Variants in CLEC2D observed in about 807,000 individuals in gnomAD.
CLEC2D encodes the protein C-type lectin domain family 2 member D, also known as C-type lectin related f.
In CLEC2D, 16 loss-of-function variants were observed where a neutral mutation model predicts 20.0. That is an observed-to-expected ratio of 0.80 (90% CI 0.54 to 1.22). The LOEUF (loss-of-function observed/expected upper bound fraction) is 1.22. CLEC2D is among the 50% of genes most tolerant of loss of function. CLEC2D has a pLI of 0.00. For synonymous variants in CLEC2D, 77 were observed against 71.1 expected (o/e 1.08, Z -0.42); for missense variants, 207 against 221.5 (o/e 0.93, Z 0.42).
chr12:9,679,067 T>C (rs981630593), intron 1 of CLEC2D, among the ~76,000 whole-genome samples: 1 of 152,200 alleles, frequency 6.6e-6, no homozygotes, highest in African/African-American at 2.4e-5. Flanking sequence ...AATTCTCTGC[T>C]TTTATCCCAT....
At chr12:9,686,978 A>G (rs1865761876) in intron 2 of CLEC2D, among the ~76,000 whole-genome samples, 1 of 152,158 alleles carries the variant, frequency 6.6e-6, no homozygotes, top group African/African-American at 2.4e-5. Flanking sequence ...CCTGCCCTTC[A>G]TTTTACCAAG....
Position 9,696,424 on chromosome 12 carries a change from C to T in CLEC2D, c.*1550C>T, listed in dbSNP as rs1165462501. ...TAGTTTTTAAAGATGGAACTCCACC[C>T]TTTGCTTGGTTTTAAGTATGTATGG... On this transcript the variant is annotated 3_prime_UTR_variant, in exon 5 of 5. Coordinates refer to ENST00000290855, the MANE Select transcript of CLEC2D (RefSeq NM_013269.6). The T allele has an allele frequency of 2.2e-6, 1 of 461,938 alleles. No homozygotes were observed. The highest frequency in any genetic ancestry group is 4.0e-6 in the Non-Finnish European group (1 of 251,246). 28.6% of individuals were successfully genotyped at this position (461,938 alleles called of 1,614,324 possible).
Position 9,695,857 on chromosome 12 carries a change from G to T in CLEC2D, c.*983G>T. 1.1e-6 allele frequency: 1 copy of T among 894,562 alleles called. No homozygotes were observed. Among genetic ancestry groups the T allele is most frequent in the Non-Finnish European group, 1.8e-6 (1 of 570,372 alleles). The allele number at this position is 894,562 out of a possible 1,614,324, so 55.4% of individuals were successfully genotyped here. A position where few individuals can be genotyped will look rare whatever the true frequency, so the allele number is the denominator to read the frequency against. On this transcript the variant is annotated 3_prime_UTR_variant, in exon 5 of 5. Transcript: ENST00000290855. ...AAAAGTAAAACTTGCTGCTGCTGCT[G>T]ATGATGATGATGATGAAGATGATGA...
intron 1 of CLEC2D, among the ~76,000 whole-genome samples, chr12:9,679,789 A>T (rs1386866233): frequency 6.6e-6 from 1 of 152,214 alleles, no homozygotes; most frequent in African/African-American, 2.4e-5. Context: ...AAATATGCCT[A>T]TTTAGCTAAG....
chr12:9,688,276 T>A, intron 3 of CLEC2D, 190 bp downstream of exon 3: 11 of 1,118,966 alleles, frequency 9.8e-6, no homozygotes, highest in Non-Finnish European at 1.2e-5. Flanking sequence ...AAAATTACCT[T>A]AATATTCGTG....
chr12:9,669,860 G>T, intron 1 of CLEC2D, 65 bp downstream of exon 1: 1 of 1,280,394 alleles, frequency 7.8e-7, no homozygotes, highest in Non-Finnish European at 1.1e-6. Context: ...GTAGTGATGG[G>T]CTCACACAGG....
chr12:9,676,441 AT>A (rs558285415), intron 1 of CLEC2D, among the ~76,000 whole-genome samples: 336 of 151,954 alleles, frequency 2.2e-3, no homozygotes, highest in Non-Finnish European at 2.7e-3. Context: ...TAATCAAGTG[AT>A]TTTTTTTAGC....
chr12:9,691,492 T>C (rs780911664), intron 3 of CLEC2D, among the ~76,000 whole-genome samples: 20 of 134,506 alleles, frequency 1.5e-4, no homozygotes, highest in African/African-American at 4.8e-4. Flanking sequence ...GGAACATTCT[T>C]AAACCATATG....
chr12:9,681,084 A>G (rs1386658478), intron 2 of CLEC2D, 51 bp downstream of exon 2: 4 of 947,598 alleles, frequency 4.2e-6, no homozygotes, highest in Non-Finnish European at 6.6e-6. Context: ...ACTTGTAAAA[A>G]GAAGAGGAAG....
At chr12:9,677,756 G>A (rs962137298) in intron 1 of CLEC2D, among the ~76,000 whole-genome samples, 4 of 134,634 alleles carry the variant, frequency 3.0e-5, no homozygotes, top group Admixed American at 8.5e-5. Flanking sequence ...ACAGAGTCTC[G>A]CTCTGTCACC....
Position 9,694,806 on chromosome 12 carries a change from G to T in CLEC2D, c.508G>T (p.Gly170Cys). 1 of 1,613,146 alleles carries T rather than the reference G, an allele frequency of 6.2e-7. No homozygotes were observed. The highest frequency in any genetic ancestry group is 8.5e-7 in the Non-Finnish European group (1 of 1,179,276). The change falls in exon 5 of 5, where the codon GGT becomes TGT. Residue 170 changes from glycine (G) to cysteine (C), a missense_variant. Physicochemically the swap from Gly to Cys is radical, Grantham distance 159. Transcript: ENST00000290855. The stretch of plus-strand genomic sequence containing the variant: ...AGAGTGTGCCTATTTGAATGACAAA[G>T]GTGCCAGTAGTGCCAGGCACTACAC... ...AGECAYLNDK[G>C]ASSARHYTER...
At position 9,687,966 on chromosome 12, in the gene CLEC2D, G is replaced by A; in HGVS notation, c.237G>A (p.Trp79Ter). 1 of 1,612,438 alleles carries A rather than the reference G, an allele frequency of 6.2e-7. No individual in the cohort carries two copies. The part of the protein sequence containing the change: ...VCLQAACPES[W>*]IGFQRKCFYF... ...TTCAAGCTGCATGCCCAGAAAGCTGGATTGGTTTTCAAAGAAAGTGTTTCT... is the reference window on the plus strand; with the variant it reads ...TTCAAGCTGCATGCCCAGAAAGCTGAATTGGTTTTCAAAGAAAGTGTTTCT... The change falls in exon 3 of 5, where the codon TGG becomes TGA. Residue 79 changes from tryptophan (W) to a stop codon, truncating the protein, a stop_gained. Transcript: ENST00000290855. LOFTEE classifies it high-confidence loss of function.
At position 9,696,446 on chromosome 12, in the gene CLEC2D, A is replaced by G. The variant is rs1865995957; in HGVS notation, c.*1572A>G. On this transcript the variant is annotated 3_prime_UTR_variant, in exon 5 of 5. Transcript: ENST00000290855. Reference sequence around the variant, plus strand: ...ACCCTTTGCTTGGTTTTAAGTATGTATGGGATGCTATGATAGGACATAGTA... The same window carrying G: ...ACCCTTTGCTTGGTTTTAAGTATGTGTGGGATGCTATGATAGGACATAGTA... The G allele has an allele frequency of 9.2e-6, 4 of 435,652 alleles. No individual in the cohort carries two copies. The highest frequency in any genetic ancestry group is 6.7e-5 in the South Asian group (3 of 44,596). 27.0% of individuals were successfully genotyped at this position (435,652 alleles called of 1,614,324 possible).
Position 9,695,402 on chromosome 12 carries a change from A to G in CLEC2D, c.*528A>G, listed in dbSNP as rs766704894. 7.6e-5 allele frequency: 112 copies of G among 1,478,782 alleles called. 1 individual carries two copies. The South Asian group carries it at 1.2e-3, about 16-fold the overall frequency. The allele number at this position is 1,478,782 out of a possible 1,614,324, so 91.6% of individuals were successfully genotyped here. A position where few individuals can be genotyped will look rare whatever the true frequency, so the allele number is the denominator to read the frequency against. ...CCACCCGATGGAAGATTCGATGGAC[A>G]TGGACATGAGCCCCCTGAGGCCCCA... On this transcript the variant is annotated 3_prime_UTR_variant, in exon 5 of 5. Coordinates refer to ENST00000290855, the MANE Select transcript of CLEC2D (RefSeq NM_013269.6).
intron 3 of CLEC2D, among the ~76,000 whole-genome samples, chr12:9,692,553 CGATAGTAT>C (rs1352275531): frequency 2.6e-5 from 4 of 151,794 alleles, no homozygotes; most frequent in African/African-American, 9.7e-5. Context: ...TGGTGTCAAC[CGATAGTAT>C]AATAGATAAA....
intron 1 of CLEC2D, among the ~76,000 whole-genome samples, chr12:9,678,222 T>A (rs952640500): frequency 1.3e-5 from 2 of 152,210 alleles, no homozygotes; most frequent in African/African-American, 4.8e-5. Context: ...TATGCAATGC[T>A]TTTCTTCATT....
chr12:9,696,643 A>G lies in CLEC2D; in HGVS notation c.*1769A>G, dbSNP rs1314242659. On this transcript the variant is annotated 3_prime_UTR_variant, in exon 5 of 5. Transcript: ENST00000290855. Reference sequence around the variant, plus strand: ...TGCATGTGGAGATTATTACAATTCAAGGTGAAATTTGGGTGGAGACACAAC... The same window carrying G: ...TGCATGTGGAGATTATTACAATTCAGGGTGAAATTTGGGTGGAGACACAAC... 1.7e-5 allele frequency: 3 copies of G among 175,754 alleles called. No individual in the cohort carries two copies. The highest frequency in any genetic ancestry group is 3.6e-5 in the Non-Finnish European group (3 of 82,592). The allele number at this position is 175,754 out of a possible 1,614,324, so 10.9% of individuals were successfully genotyped here.
chr12:9,693,806 G>A (rs1019278999), intron 4 of CLEC2D: 4 of 448,170 alleles, frequency 8.9e-6, no homozygotes, highest in South Asian at 4.7e-5. Context: ...ATGGTTTTTT[G>A]TTTGTTTGTA....
At position 9,698,538 on chromosome 12, in the gene CLEC2D, T is replaced by TA. The variant is rs1398130633; in HGVS notation, c.*3667dup. The TA allele has an allele frequency of 1.3e-5, 2 of 152,130 alleles. No individual in the cohort carries two copies. Among genetic ancestry groups the TA allele is most frequent in the Non-Finnish European group, 2.9e-5 (2 of 68,024 alleles). 9.4% of individuals were successfully genotyped at this position (152,130 alleles called of 1,614,324 possible). On this transcript the variant is annotated 3_prime_UTR_variant, in exon 5 of 5. Coordinates refer to ENST00000290855, the MANE Select transcript of CLEC2D (RefSeq NM_013269.6). ...ACCAACTGAAAATCGATTAAAGACT[T>TA]AAACTGTAAAACTACTAAAAGAAAA...
Sources: allele counts gnomAD v4.1 joint callset (sites outside exome capture counted in the v4.1 genomes callset), GRCh38; gene constraint gnomAD v4.1.1; transcripts MANE v1.5; gene names NCBI Gene and HGNC (gene_info 2026-07-23, HGNC 2026-07-21).